Variants in ZSWIM7 observed in about 807,000 individuals in gnomAD.
ZSWIM7 encodes zinc finger SWIM domain-containing protein 7.
In ZSWIM7, 22 loss-of-function variants were observed where a neutral mutation model predicts 21.1. That is an observed-to-expected ratio of 1.04 (90% CI 0.74 to 1.49). ZSWIM7 has a LOEUF of 1.49. ZSWIM7 is among the 40% of genes most tolerant of loss of function. The pLI, the probability that ZSWIM7 is intolerant of heterozygous loss-of-function variation, is 0.00. For synonymous variants in ZSWIM7, 67 were observed against 66.5 expected (o/e 1.01, Z -0.04); for missense variants, 193 against 168.0 (o/e 1.15, Z -0.82).
At chr17:15,983,880 C>T (rs1250724401) in intron 3 of ZSWIM7, among the ~76,000 whole-genome samples, 1 of 152,176 alleles carries the variant, frequency 6.6e-6, no homozygotes, top group Non-Finnish European at 1.5e-5. Context: ...AACCACCACT[C>T]CCGGCCTATA....
intron 2 of ZSWIM7, among the ~76,000 whole-genome samples, chr17:15,991,819 A>T (rs1970485397): frequency 6.6e-6 from 1 of 151,476 alleles, no homozygotes; most frequent in Admixed American, 6.6e-5. Flanking sequence ...GTCTCACATC[A>T]CCCAGGCTGG....
At chr17:15,998,033 G>A (rs1358333596) in intron 1 of ZSWIM7, among the ~76,000 whole-genome samples, 4 of 152,036 alleles carry the variant, frequency 2.6e-5, no homozygotes, top group African/African-American at 9.7e-5. Flanking sequence ...CTTGGGAAGC[G>A]GAGGTTGCAC....
At chr17:15,978,216 C>T in intron 4 of ZSWIM7, 53 bp from the exon 5 acceptor site, 1 of 1,327,662 alleles carries the variant, frequency 7.5e-7, no homozygotes, top group Non-Finnish European at 1.1e-6. Flanking sequence ...CAGGGCTGGC[C>T]AGTCTAACCA....
intron 4 of ZSWIM7, among the ~76,000 whole-genome samples, chr17:15,979,371 G>C (rs1236634937): frequency 1.3e-5 from 2 of 152,178 alleles, no homozygotes; most frequent in Non-Finnish European, 2.9e-5. Context: ...AAAATGGAAA[G>C]TCTCCCATGT....
At position 15,977,561 on chromosome 17, in the gene ZSWIM7, G is replaced by C. The variant is rs950085770; in HGVS notation, c.*486C>G. Reference sequence around the variant, plus strand: ...AAAAAAAAAATACAAAAATTTAGCCGGGCATGGTGGCGGGTACCTGTAGTC... The same window carrying C: ...AAAAAAAAAATACAAAAATTTAGCCCGGCATGGTGGCGGGTACCTGTAGTC... On this transcript the variant is annotated 3_prime_UTR_variant, in exon 5 of 5. Transcript: ENST00000399277. 1 of 152,674 alleles carries C rather than the reference G, an allele frequency of 6.5e-6. No individual in the cohort carries two copies. The highest frequency in any genetic ancestry group is 2.4e-5 in the African/African-American group (1 of 41,344). The allele number at this position is 152,674 out of a possible 1,614,324, so 9.5% of individuals were successfully genotyped here.
chr17:15,985,364 T>C (rs1378025151), intron 3 of ZSWIM7, among the ~76,000 whole-genome samples: 1 of 151,990 alleles, frequency 6.6e-6, no homozygotes, highest in African/African-American at 2.4e-5. Flanking sequence ...ACAATGACTT[T>C]AGAATTATTT....
chr17:15,981,287 A>G (rs2151620176), intron 3 of ZSWIM7, 143 bp from the exon 4 acceptor site: 1 of 592,076 alleles, frequency 1.7e-6, no homozygotes, highest in East Asian at 2.9e-5. Context: ...AAGAGGAAAC[A>G]ACTTCTCTTC....
chr17:15,987,656 G>A (rs1567791451), intron 2 of ZSWIM7, among the ~76,000 whole-genome samples: 1 of 151,732 alleles, frequency 6.6e-6, no homozygotes, highest in Admixed American at 6.6e-5. Context: ...TGCTGCCCAG[G>A]CTGGAGTGCA....
rs59325894 is a variant in ZSWIM7, at chr17:15,977,535, TA to T, written c.*511del. The stretch of plus-strand genomic sequence containing the variant: ...TAACACGGTGAAACCCCATCTCTAC[TA>T]AAAAAAAAATACAAAAATTTAGCCG... On this transcript the variant is annotated 3_prime_UTR_variant, in exon 5 of 5. Coordinates refer to ENST00000399277, the MANE Select transcript of ZSWIM7 (RefSeq NM_001042697.2). 0.6 allele frequency: 90,240 copies of T among 150,676 alleles called. 27,490 individuals are homozygous for T. The highest frequency in any genetic ancestry group is 0.7 in the African/African-American group (28,497 of 40,884). The allele number at this position is 150,676 out of a possible 1,614,324, so 9.3% of individuals were successfully genotyped here. A position where few individuals can be genotyped will look rare whatever the true frequency, so the allele number is the denominator to read the frequency against.
At chr17:15,983,834 G>C (rs1374184049) in intron 3 of ZSWIM7, among the ~76,000 whole-genome samples, 1 of 152,016 alleles carries the variant, frequency 6.6e-6, no homozygotes, top group African/African-American at 2.4e-5. Context: ...TGATCCACCC[G>C]CCTCAGCCTC....
At chr17:15,983,344 CAAAAA>C (rs58918337) in intron 3 of ZSWIM7, among the ~76,000 whole-genome samples, 11 of 44,612 alleles carry the variant, frequency 2.5e-4, no homozygotes, top group South Asian at 1.0e-3. Context: ...GACTCTGTCT[CAAAAA>C]AAAAAAAAAA....
At chr17:15,979,842 C>T (rs1970331667) in intron 4 of ZSWIM7, among the ~76,000 whole-genome samples, 1 of 108,866 alleles carries the variant, frequency 9.2e-6, no homozygotes, top group Non-Finnish European at 1.9e-5. Flanking sequence ...CCCCCCACCT[C>T]CCTCCCGGAC....
Position 15,993,795 on chromosome 17 carries a change from GAA to G in ZSWIM7, c.77-19_77-18del. 1 of 1,484,988 alleles carries G rather than the reference GAA, an allele frequency of 6.7e-7. No homozygotes were observed. Among genetic ancestry groups the G allele is most frequent in the South Asian group, 1.2e-5 (1 of 86,080 alleles). 92.0% of individuals were successfully genotyped at this position (1,484,988 alleles called of 1,614,324 possible). ...CATCAGGAACTGTAAAATGAGAATG[GAA>G]AAAAAAAGTTAATCATATTAAGCAG... On this transcript the variant is annotated intron_variant, in intron 1 of 4. Transcript: ENST00000399277.
At chr17:15,985,627 T>C (rs1237105601) in intron 3 of ZSWIM7, among the ~76,000 whole-genome samples, 5 of 152,230 alleles carry the variant, frequency 3.3e-5, no homozygotes, top group African/African-American at 1.2e-4. Context: ...TCTTGGAAGT[T>C]AGTATTTTAT....
At chr17:15,987,772 G>A (rs1163428872) in intron 2 of ZSWIM7, among the ~76,000 whole-genome samples, 1 of 151,904 alleles carries the variant, frequency 6.6e-6, no homozygotes, top group African/African-American at 2.4e-5. Flanking sequence ...CACCACACCC[G>A]GCTAATTTTG....
chr17:15,979,929 C>T (rs1380674226), intron 4 of ZSWIM7, among the ~76,000 whole-genome samples: 1 of 110,578 alleles, frequency 9.0e-6, no homozygotes, highest in Non-Finnish European at 1.9e-5. Context: ...ACCTCCCTCC[C>T]GGACGGGGCG....
At chr17:15,984,209 C>T (rs919146387) in intron 3 of ZSWIM7, among the ~76,000 whole-genome samples, 3 of 152,164 alleles carry the variant, frequency 2.0e-5, no homozygotes, top group East Asian at 1.9e-4. Flanking sequence ...GGTTAAATTT[C>T]GAATTTGCTT....
chr17:15,995,878 C>CT (rs1402329166), intron 1 of ZSWIM7, among the ~76,000 whole-genome samples: 1 of 149,418 alleles, frequency 6.7e-6, no homozygotes, highest in South Asian at 2.1e-4. Context: ...AAAAAAAAAA[C>CT]TTTATCAGAA....
chr17:15,988,164 A>G (rs1970439019), intron 2 of ZSWIM7, among the ~76,000 whole-genome samples: 1 of 152,180 alleles, frequency 6.6e-6, no homozygotes. Context: ...CATAAAAGGT[A>G]TATTGTAGGC....
Sources: allele counts gnomAD v4.1 joint callset (sites outside exome capture counted in the v4.1 genomes callset), GRCh38; gene constraint gnomAD v4.1.1; transcripts MANE v1.5; gene names NCBI Gene and HGNC (gene_info 2026-07-23, HGNC 2026-07-21).